SLC24A3: variants seen among roughly 807,000 people sequenced by gnomAD.
The protein encoded by SLC24A3 is solute carrier family 24 member 3.
In SLC24A3, 28 loss-of-function variants were observed where a neutral mutation model predicts 75.8. The observed-to-expected ratio is 0.37, with a 90% confidence interval of 0.27 to 0.51. The LOEUF is 0.51. Ranked by LOEUF, SLC24A3 falls within the 20% of genes least tolerant of loss-of-function variation. The probability of loss-of-function intolerance (pLI) is 0.94; values close to 1 mark genes in which losing one functional copy is unlikely to be tolerated. For missense variants in SLC24A3, 663 were observed against 847.8 expected (o/e 0.78, Z 2.71); for synonymous variants, 372 against 334.1 (o/e 1.11, Z -1.24).
intron 6 of SLC24A3, among the ~76,000 whole-genome samples, chr20:19,626,262 A>G (rs886066259): frequency 6.6e-6 from 1 of 152,174 alleles, no homozygotes; most frequent in South Asian, 2.1e-4. Flanking sequence ...TATTACTTCC[A>G]TGTTTCAGCT....
chr20:19,595,350 A>G (rs533673297), intron 6 of SLC24A3, among the ~76,000 whole-genome samples: 3 of 152,326 alleles, frequency 2.0e-5, no homozygotes, highest in Non-Finnish European at 4.4e-5. Flanking sequence ...CATCTTCGAT[A>G]AGGGCCTGGC....
At chr20:19,699,009 G>A in intron 15 of SLC24A3, among the ~76,000 whole-genome samples, 1 of 152,168 alleles carries the variant, frequency 6.6e-6, no homozygotes, top group Non-Finnish European at 1.5e-5. Context: ...AAACGGGCAT[G>A]TCTGTTTCAA....
At chr20:19,335,280 C>T (rs1259197216) in intron 2 of SLC24A3, among the ~76,000 whole-genome samples, 1 of 152,184 alleles carries the variant, frequency 6.6e-6, no homozygotes, top group African/African-American at 2.4e-5. Flanking sequence ...TATATATCCA[C>T]TGCCCCTTAA....
intron 13 of SLC24A3, 137 bp downstream of exon 13, chr20:19,693,562 C>T: frequency 8.0e-6 from 9 of 1,130,136 alleles, no homozygotes; most frequent in Non-Finnish European, 1.1e-5. Flanking sequence ...CACTCCTAAA[C>T]TTAGTAGTTT....
chr20:19,651,702 T>TA (rs1390751135), intron 6 of SLC24A3, among the ~76,000 whole-genome samples: 2 of 151,694 alleles, frequency 1.3e-5, no homozygotes, highest in Non-Finnish European at 2.9e-5. Context: ...TACTAAAAAA[T>TA]ACAAAAAAAT....
At chr20:19,669,318 A>G (rs554235878) in intron 8 of SLC24A3, among the ~76,000 whole-genome samples, 48 of 152,238 alleles carry the variant, frequency 3.2e-4, no homozygotes, top group African/African-American at 1.1e-3. Context: ...CCTGGCCAAC[A>G]TGGTGAAAAC....
intron 2 of SLC24A3, among the ~76,000 whole-genome samples, chr20:19,431,509 G>A (rs1427335915): frequency 6.6e-6 from 1 of 152,030 alleles, no homozygotes; most frequent in Non-Finnish European, 1.5e-5. Context: ...GGGGCCGTGG[G>A]TCTCAGTCAC....
At chr20:19,666,035 C>A in intron 8 of SLC24A3, 146 bp downstream of exon 8, 1 of 845,268 alleles carries the variant, frequency 1.2e-6, no homozygotes, top group Non-Finnish European at 1.8e-6. Flanking sequence ...CCTCTGCACA[C>A]CTCAGGGGAG....
chr20:19,411,787 T>A (rs188499671), intron 2 of SLC24A3, among the ~76,000 whole-genome samples: 10 of 152,334 alleles, frequency 6.6e-5, no homozygotes, highest in Admixed American at 6.5e-4. Flanking sequence ...GACGCGTTGA[T>A]CTCCAGTAGT....
chr20:19,267,792 C>G (rs889336744), intron 1 of SLC24A3, among the ~76,000 whole-genome samples: 1 of 152,082 alleles, frequency 6.6e-6, no homozygotes, highest in South Asian at 2.1e-4. Flanking sequence ...TAAAAAGTCA[C>G]CTTGAGGGAT....
chr20:19,377,101 G>A (rs1208470252), intron 2 of SLC24A3, among the ~76,000 whole-genome samples: 4 of 152,174 alleles, frequency 2.6e-5, no homozygotes, highest in Non-Finnish European at 5.9e-5. Flanking sequence ...TTATTTATTA[G>A]TTGGAGTGTG....
intron 1 of SLC24A3, among the ~76,000 whole-genome samples, chr20:19,253,911 AAATC>A (rs1360124454): frequency 1.3e-5 from 2 of 152,150 alleles, no homozygotes; most frequent in African/African-American, 4.8e-5. Flanking sequence ...TTCCATGTCT[AAATC>A]AGAGGACCCA....
intron 1 of SLC24A3, among the ~76,000 whole-genome samples, chr20:19,272,974 G>T (rs992982285): frequency 6.6e-6 from 1 of 152,172 alleles, no homozygotes; most frequent in African/African-American, 2.4e-5. Context: ...TGGAGGAAGG[G>T]CTTCCCTCTA....
In SLC24A3 at chr20:19,472,422, G is replaced by A. The variant is rs117716090; in HGVS notation, c.272-43066G>A. On this transcript the variant is annotated intron_variant, in intron 2 of 16. Coordinates refer to ENST00000328041, the MANE Select transcript of SLC24A3 (RefSeq NM_020689.4). ...CTTGCCCTGGGATGGCAGGTAGGAT[G>A]TAGGCTTTGCTAGCAAGCCTCTGCC... Among the ~76,000 whole-genome samples the A allele has an allele frequency of 6.2e-4, 95 of 152,348 alleles. No individual in the cohort carries two copies. The East Asian group carries it at 0.017, about 27-fold the overall frequency.
intron 6 of SLC24A3, among the ~76,000 whole-genome samples, chr20:19,631,977 A>C (rs2031940334): frequency 6.6e-6 from 1 of 152,004 alleles, no homozygotes; most frequent in African/African-American, 2.4e-5. Flanking sequence ...AGAGAATGGC[A>C]GTAACCACAC....
intron 2 of SLC24A3, among the ~76,000 whole-genome samples, chr20:19,448,442 A>G (rs1286604442): frequency 4.6e-5 from 7 of 152,176 alleles, no homozygotes; most frequent in South Asian, 2.1e-4. Context: ...GCTGATTCCA[A>G]ATGCAAGCCT....
intron 7 of SLC24A3, among the ~76,000 whole-genome samples, chr20:19,657,472 C>T (rs2032278909): frequency 6.6e-6 from 1 of 152,174 alleles, no homozygotes; most frequent in Non-Finnish European, 1.5e-5. Flanking sequence ...GAAACCATTT[C>T]CTTGGGGTAT....
intron 2 of SLC24A3, among the ~76,000 whole-genome samples, chr20:19,440,752 G>A (rs1371381676): frequency 6.6e-6 from 1 of 151,508 alleles, no homozygotes; most frequent in Non-Finnish European, 1.5e-5. Context: ...AAGTGTGTCA[G>A]CAGAGGAAGA....
intron 6 of SLC24A3, among the ~76,000 whole-genome samples, chr20:19,598,545 G>A (rs749076240): frequency 6.6e-6 from 1 of 152,016 alleles, no homozygotes; most frequent in African/African-American, 2.4e-5. Flanking sequence ...CCATTGCCTG[G>A]GAGAGGAGAA....
Sources: allele counts gnomAD v4.1 joint callset (sites outside exome capture counted in the v4.1 genomes callset), GRCh38; gene constraint gnomAD v4.1.1; transcripts MANE v1.5; gene names NCBI Gene and HGNC (gene_info 2026-07-23, HGNC 2026-07-21).